The following SYT1 variants were observed in gnomAD, a reference collection of about 807,000 sequenced individuals.
SYT1 encodes synaptotagmin 1, also known as synaptotagmin-1.
SYT1 carries 8 observed loss-of-function variants against 44.8 expected under a neutral mutation model. The observed-to-expected ratio is 0.18, with a 90% CI of 0.10 to 0.32. SYT1 has a LOEUF of 0.32. SYT1 is among the 10% of genes least tolerant of loss of function. The pLI is 1.00. For missense variants in SYT1, 286 were observed against 509.3 expected (o/e 0.56, Z 4.22); for synonymous variants, 154 against 188.8 (o/e 0.82, Z 1.51).
In SYT1 at chr12:79,050,174, A is replaced by G. The variant is rs1874370320; in HGVS notation, c.-18+2812A>G. 2.6e-5 allele frequency among the ~76,000 whole-genome samples: 4 copies of G among 151,712 alleles called. No individual in the cohort carries two copies. The South Asian group carries it at 8.3e-4, about 32-fold the overall frequency. ...GTTATGTGTATTATATACTCTTCTT[A>G]ACAATAAAGTAGGAAAAGTGAAGAA... On this transcript the variant is annotated intron_variant, in intron 3 of 10. Coordinates refer to ENST00000261205, the MANE Select transcript of SYT1 (RefSeq NM_005639.3).
At chr12:79,249,948 TA>T (rs547175568) in intron 4 of SYT1, among the ~76,000 whole-genome samples, 8 of 147,238 alleles carry the variant, frequency 5.4e-5, no homozygotes, top group South Asian at 2.2e-4. Context: ...CCAGACCAAA[TA>T]AAAAAAAAAT....
At chr12:79,323,118 CT>C (rs77432706) in intron 8 of SYT1, among the ~76,000 whole-genome samples, 648 of 141,512 alleles carry the variant, frequency 4.6e-3, no homozygotes, top group East Asian at 5.6e-3. Context: ...CATTTTCTCT[CT>C]TTTTTTTTTT....
rs1877398776 is a variant in SYT1 at position 79,086,589 on chromosome 12, C to T, written c.-18+39227C>T. Among the ~76,000 whole-genome samples, 2 of 152,148 alleles carry T rather than the reference C, an allele frequency of 1.3e-5. 1 individual carries two copies. Among genetic ancestry groups the T allele is most frequent in the South Asian group, 4.1e-4 (2 of 4,834 alleles). On this transcript the variant is annotated intron_variant, in intron 3 of 10. Transcript: ENST00000261205. ...GATGTGAAATGTTCATTAAAAGAAG[C>T]ATCATGGTTACTGCCTTGTAAAGAT... is the stretch of plus-strand genomic sequence containing the variant.
At chr12:78,934,154 G>A (rs763814300) in intron 1 of SYT1, among the ~76,000 whole-genome samples, 7 of 148,944 alleles carry the variant, frequency 4.7e-5, no homozygotes, top group Non-Finnish European at 8.9e-5. Context: ...GTGTATGTGC[G>A]TGTGTACACA....
intron 3 of SYT1, among the ~76,000 whole-genome samples, chr12:79,137,974 A>C (rs192080418): frequency 4.0e-4 from 61 of 152,356 alleles, no homozygotes; most frequent in Admixed American, 2.5e-3. Context: ...ATATGATAAT[A>C]GATATTCATG....
intron 3 of SYT1, among the ~76,000 whole-genome samples, chr12:79,077,198 G>A (rs1205301516): frequency 6.6e-6 from 1 of 152,062 alleles, no homozygotes; most frequent in Non-Finnish European, 1.5e-5. Context: ...TCTAGAGAAT[G>A]AGAAGCTATT....
chr12:79,143,324 T>G (rs1869679278), intron 3 of SYT1, among the ~76,000 whole-genome samples: 1 of 152,232 alleles, frequency 6.6e-6, no homozygotes, highest in Admixed American at 6.5e-5. Flanking sequence ...ATAGTACAAC[T>G]TATTAGGCCC....
intron 8 of SYT1, among the ~76,000 whole-genome samples, chr12:79,311,020 C>T (rs1880756459): frequency 6.6e-6 from 1 of 152,210 alleles, no homozygotes; most frequent in South Asian, 2.1e-4. Flanking sequence ...CTTCTCCTGC[C>T]TAATGGCCCT....
chr12:78,898,573 A>T (rs1355806575), intron 1 of SYT1, among the ~76,000 whole-genome samples: 1 of 152,104 alleles, frequency 6.6e-6, no homozygotes, highest in Non-Finnish European at 1.5e-5. Flanking sequence ...ATCAAGAAAC[A>T]AATGCCATTC....
At chr12:79,409,891 A>T (rs541042054) in intron 9 of SYT1, among the ~76,000 whole-genome samples, 1 of 151,678 alleles carries the variant, frequency 6.6e-6, no homozygotes, top group East Asian at 2.0e-4. Flanking sequence ...GAGAAAAAGG[A>T]AAGAAAGAAA....
chr12:79,293,522 T>C (rs1879738116), intron 6 of SYT1, among the ~76,000 whole-genome samples: 1 of 152,124 alleles, frequency 6.6e-6, no homozygotes, highest in South Asian at 2.1e-4. Context: ...GTAAAATAAA[T>C]ACAGTTACTA....
chr12:79,163,727 G>T (rs950383173), intron 3 of SYT1, among the ~76,000 whole-genome samples: 1 of 151,964 alleles, frequency 6.6e-6, no homozygotes, highest in Non-Finnish European at 1.5e-5. Context: ...AGCAGCACCC[G>T]CCATCACCAA....
At chr12:79,249,767 C>T (rs1243485061) in intron 4 of SYT1, among the ~76,000 whole-genome samples, 1 of 152,124 alleles carries the variant, frequency 6.6e-6, no homozygotes, top group Non-Finnish European at 1.5e-5. Context: ...GTCACCATTC[C>T]TGGAGAAATG....
chr12:78,946,708 A>G (rs958083959), intron 1 of SYT1, among the ~76,000 whole-genome samples: 1 of 151,420 alleles, frequency 6.6e-6, no homozygotes, highest in African/African-American at 2.4e-5. Flanking sequence ...AAAGAAAAAA[A>G]AAGAAAAAGA....
intron 3 of SYT1, among the ~76,000 whole-genome samples, chr12:79,160,971 A>G (rs1450568959): frequency 6.6e-6 from 1 of 152,138 alleles, no homozygotes; most frequent in African/African-American, 2.4e-5. Context: ...AGTGGCTCAC[A>G]CCTGGAGTCT....
At chr12:78,930,581 C>T (rs991018805) in intron 1 of SYT1, among the ~76,000 whole-genome samples, 1 of 151,708 alleles carries the variant, frequency 6.6e-6, no homozygotes, top group Non-Finnish European at 1.5e-5. Context: ...AAAGGATGAT[C>T]GAAGCCTCAA....
chr12:78,885,817 G>T (rs1359984634), intron 1 of SYT1, among the ~76,000 whole-genome samples: 1 of 151,982 alleles, frequency 6.6e-6, no homozygotes, highest in African/African-American at 2.4e-5. Flanking sequence ...ATATTTTTAA[G>T]GATCATTGAG....
At position 79,433,969 on chromosome 12, in the gene SYT1, T is replaced by A. The variant is rs936797638; in HGVS notation, c.929-10104T>A. On this transcript the variant is annotated intron_variant, in intron 9 of 10. Transcript: ENST00000261205. Reference sequence around the variant, plus strand: ...TTGTTTTCCAGCTTTTGTATATGCATCCCTACATTTTTAGTCAAGAAGCTG... The same window carrying A: ...TTGTTTTCCAGCTTTTGTATATGCAACCCTACATTTTTAGTCAAGAAGCTG... Among the ~76,000 whole-genome samples the A allele has an allele frequency of 3.9e-5, 6 of 152,214 alleles. 1 individual carries two copies. The highest frequency in any genetic ancestry group is 3.9e-4 in the Admixed American group (6 of 15,282).
chr12:79,338,190 C>G (rs1188944546), intron 8 of SYT1, among the ~76,000 whole-genome samples: 1 of 152,124 alleles, frequency 6.6e-6, no homozygotes, highest in Non-Finnish European at 1.5e-5. Context: ...ACCATCTTCC[C>G]CATTTTTCAC....
Sources: gnomAD v4.1 joint callset for allele counts (sites outside exome capture counted in the v4.1 genomes callset) on GRCh38, gnomAD v4.1.1 for gene constraint, MANE v1.5 for transcripts, NCBI Gene and HGNC (gene_info 2026-07-23, HGNC 2026-07-21) for gene names.